The following STK32A variants were observed in gnomAD, a reference collection of about 807,000 sequenced individuals.
STK32A encodes serine/threonine-protein kinase 32A.
In STK32A, 41 loss-of-function variants were observed where a neutral mutation model predicts 53.2. That is an observed-to-expected ratio of 0.77 (90% CI 0.60 to 1.00). STK32A has a LOEUF of 1.00. Among genes scored for constraint, STK32A ranks in the 50% least tolerant of loss-of-function variants. The probability of loss-of-function intolerance (pLI) is 0.00; values close to 1 mark genes in which losing one functional copy is unlikely to be tolerated. For synonymous variants in STK32A, 166 were observed against 162.8 expected (o/e 1.02, Z -0.15); for missense variants, 458 against 485.8 (o/e 0.94, Z 0.54).
At chr5:147,401,659 G>A in the STK32A span, 37 of 1,614,122 alleles carry the variant, frequency 2.3e-5, no homozygotes, top group Middle Eastern at 1.7e-4. Flanking sequence ...CATCTATGCC[G>A]AGGCTGGCAG....
At chr5:147,334,819 T>C (rs1755037992) in intron 5 of STK32A, among the ~76,000 whole-genome samples, 1 of 152,168 alleles carries the variant, frequency 6.6e-6, no homozygotes, top group Admixed American at 6.5e-5. Context: ...ATTCTTTCAA[T>C]GTTTTCTGGA....
chr5:147,370,774 A>G lies in STK32A; in HGVS notation c.777+4A>G, dbSNP rs1756974932. 6.3e-7 allele frequency: 1 copy of G among 1,590,338 alleles called. No homozygotes were observed. The highest frequency in any genetic ancestry group is 1.3e-5 in the African/African-American group (1 of 74,504). On this transcript the variant is annotated splice_donor_region_variant and intron_variant, in intron 9 of 12. Coordinates refer to ENST00000397936, the MANE Select transcript of STK32A (RefSeq NM_001112724.2). ...AATGGTGTCACTTCTTAAAAAGGTAAGAAGGAAGACTGCATGTCCAAACGA... is the reference window on the plus strand; with the variant it reads ...AATGGTGTCACTTCTTAAAAAGGTAGGAAGGAAGACTGCATGTCCAAACGA...
At chr5:147,281,007 G>C (rs1752040353) in intron 4 of STK32A, among the ~76,000 whole-genome samples, 1 of 152,178 alleles carries the variant, frequency 6.6e-6, no homozygotes, top group Non-Finnish European at 1.5e-5. Flanking sequence ...GGGTAGGCTA[G>C]CTGGGTGGCT....
intron 2 of STK32A, among the ~76,000 whole-genome samples, chr5:147,277,342 T>C (rs917086042): frequency 2.0e-5 from 3 of 152,138 alleles, no homozygotes; most frequent in African/African-American, 7.2e-5. Flanking sequence ...TTCTCATCAT[T>C]ATACATTTCA....
intron 4 of STK32A, among the ~76,000 whole-genome samples, chr5:147,293,928 G>C (rs1398384070): frequency 2.0e-5 from 3 of 151,674 alleles, no homozygotes; most frequent in Non-Finnish European, 4.4e-5. Flanking sequence ...TTAGTGTGTT[G>C]TCAATACTAA....
chr5:147,320,130 T>C (rs1754234781), intron 4 of STK32A, among the ~76,000 whole-genome samples: 1 of 152,212 alleles, frequency 6.6e-6, no homozygotes, highest in African/African-American at 2.4e-5. Context: ...TCATCACAGT[T>C]AACTAAACTG....
chr5:147,355,298 G>T (rs1445526445), intron 7 of STK32A, among the ~76,000 whole-genome samples: 3 of 152,046 alleles, frequency 2.0e-5, no homozygotes, highest in Non-Finnish European at 4.4e-5. Flanking sequence ...CTACCTCTGT[G>T]CTCCCTCTGG....
At chr5:147,272,053 C>T (rs1755061123) in intron 2 of STK32A, among the ~76,000 whole-genome samples, 1 of 152,094 alleles carries the variant, frequency 6.6e-6, no homozygotes, top group Non-Finnish European at 1.5e-5. Context: ...TGATGTCTCC[C>T]CCGGATGTCC....
intron 2 of STK32A, among the ~76,000 whole-genome samples, chr5:147,266,743 G>C (rs1297070398): frequency 6.6e-6 from 1 of 152,048 alleles, no homozygotes; most frequent in Non-Finnish European, 1.5e-5. Flanking sequence ...AGGCAACATT[G>C]GCTGGGCGTG....
chr5:147,258,285 G>C (rs1244539277), intron 2 of STK32A, among the ~76,000 whole-genome samples: 1 of 151,708 alleles, frequency 6.6e-6, no homozygotes, highest in Non-Finnish European at 1.5e-5. Context: ...TTTACACACA[G>C]AATTTCCTTT....
intron 4 of STK32A, among the ~76,000 whole-genome samples, chr5:147,292,623 T>A (rs536084599): frequency 2.6e-5 from 4 of 152,210 alleles, no homozygotes; most frequent in African/African-American, 9.6e-5. Context: ...AATCCCAGCA[T>A]TTTGGGAGGC....
At chr5:147,400,105 G>A in the STK32A span, among the ~76,000 whole-genome samples, 37,569 of 152,126 alleles carry the variant, frequency 0.25, 4,989 homozygotes, top group East Asian at 0.54. Context: ...ACTTAATAAT[G>A]AGATAATTAT....
At position 147,302,283 on chromosome 5, in the gene STK32A, A is replaced by C. The variant is rs2052598; in HGVS notation, c.261-21615A>C. Reference sequence around the variant, plus strand: ...TTATTGTAATTGTTTTCTGTTATCAACATAAAGTAATCAAAAGGGTCAGAA... The same window carrying C: ...TTATTGTAATTGTTTTCTGTTATCACCATAAAGTAATCAAAAGGGTCAGAA... On this transcript the variant is annotated intron_variant, in intron 4 of 12. Transcript: ENST00000397936. Among the ~76,000 whole-genome samples the C allele has an allele frequency of 8.3e-3, 1,263 of 152,294 alleles. 10 individuals carry two copies. Among genetic ancestry groups the C allele is most frequent in the Non-Finnish European group, 0.011 (749 of 68,038 alleles).
At chr5:147,260,499 A>G (rs1428490232) in intron 2 of STK32A, among the ~76,000 whole-genome samples, 1 of 151,940 alleles carries the variant, frequency 6.6e-6, no homozygotes, top group Non-Finnish European at 1.5e-5. Context: ...CAACTCTTGA[A>G]ATTAGCGGAA....
rs985941097 is a variant in STK32A, at chr5:147,323,926, T to G, written c.289T>G (p.Phe97Val). 9 of 1,613,672 alleles carry G rather than the reference T, an allele frequency of 5.6e-6. No individual in the cohort carries two copies. In the South Asian group the frequency reaches 9.9e-5, roughly 18 times the overall value. The change falls in exon 5 of 13, where the codon TTC (phenylalanine) becomes GTC (valine). Residue 97 changes from phenylalanine to valine, a missense_variant. Transcript: ENST00000397936. The part of the protein sequence containing the change: ...WYSFQDEEDM[F>V]MVVDLLLGGD... ...TTCCTTCCAAGATGAGGAAGACATG[T>G]TCATGGTGGTGGACCTCCTGCTGGG...
Position 147,385,305 on chromosome 5 carries a change from T to A in STK32A, c.*1322T>A, listed in dbSNP as rs1757607975. 1 of 152,150 alleles carries A rather than the reference T, an allele frequency of 6.6e-6. No homozygotes were observed. Among genetic ancestry groups the A allele is most frequent in the Non-Finnish European group, 1.5e-5 (1 of 68,028 alleles). 9.4% of individuals were successfully genotyped at this position (152,150 alleles called of 1,614,324 possible). On this transcript the variant is annotated 3_prime_UTR_variant, in exon 13 of 13. Coordinates refer to ENST00000397936, the MANE Select transcript of STK32A (RefSeq NM_001112724.2). ...TGTGTGTGCCACCATGTGTAGCTAA[T>A]TTTTTGTATTTTTAGTAGAGATAGG...
chr5:147,319,537 T>C (rs546541735), intron 4 of STK32A, among the ~76,000 whole-genome samples: 1 of 152,278 alleles, frequency 6.6e-6, no homozygotes, highest in Admixed American at 6.5e-5. Flanking sequence ...TGCACAATAC[T>C]AGTTTTTAAA....
chr5:147,286,579 G>A (rs2151958707), intron 4 of STK32A, among the ~76,000 whole-genome samples: 1 of 152,108 alleles, frequency 6.6e-6, no homozygotes, highest in Non-Finnish European at 1.5e-5. Flanking sequence ...CTTTTCTCCT[G>A]CTACCACCCT....
intron 2 of STK32A, among the ~76,000 whole-genome samples, chr5:147,242,030 G>A (rs544486511): frequency 6.0e-4 from 91 of 152,274 alleles, no homozygotes; most frequent in South Asian, 4.4e-3. Context: ...TGGGAAATAA[G>A]ATACCCCTTT....
Sources: gnomAD v4.1 joint callset for allele counts (sites outside exome capture counted in the v4.1 genomes callset) on GRCh38, gnomAD v4.1.1 for gene constraint, MANE v1.5 for transcripts, NCBI Gene and HGNC (gene_info 2026-07-23, HGNC 2026-07-21) for gene names.